AKAP13: variants seen among roughly 807,000 people sequenced by gnomAD.
The protein encoded by AKAP13 is A-kinase anchor protein 13.
Under a neutral mutation model 264.5 loss-of-function variants are expected in AKAP13, and 80 were observed. The ratio of observed to expected loss-of-function variants is 0.30; its 90% CI spans 0.25 to 0.36. The LOEUF is 0.36. Among genes scored for constraint, AKAP13 ranks in the 10% least tolerant of loss-of-function variants. AKAP13 has a pLI of 1.00. For synonymous variants in AKAP13, 1,380 were observed against 1,250.2 expected (o/e 1.10, Z -2.19); for missense variants, 3,712 against 3,435.2 (o/e 1.08, Z -2.01).
chr15:85,462,880 C>T lies in AKAP13; in HGVS notation c.-11-22830C>T, dbSNP rs1020462622. Among the ~76,000 whole-genome samples the T allele has an allele frequency of 6.0e-5, 9 of 150,360 alleles. No homozygotes were observed. In the South Asian group the frequency reaches 8.4e-4, roughly 14 times the overall value. ...TCTACTAAAAATACAAAAAATTAGC[C>T]GGGCGTAGTGGCGGGCACCTGTAGT... On this transcript the variant is annotated intron_variant, in intron 1 of 36. Transcript: ENST00000394518.
intron 1 of AKAP13, among the ~76,000 whole-genome samples, chr15:85,445,653 C>G (rs1181481380): frequency 6.6e-6 from 1 of 151,962 alleles, no homozygotes; most frequent in Non-Finnish European, 1.5e-5. Context: ...TACTTACAAA[C>G]TTGGAGAGAA....
chr15:85,542,521 T>TG (rs2077607431), intron 4 of AKAP13, among the ~76,000 whole-genome samples: 1 of 152,192 alleles, frequency 6.6e-6, no homozygotes, highest in African/African-American at 2.4e-5. Context: ...AGAAAACCAC[T>TG]GGGGTCCAAA....
chr15:85,588,637 C>A (rs1300366634), intron 8 of AKAP13, among the ~76,000 whole-genome samples: 8 of 152,176 alleles, frequency 5.3e-5, no homozygotes, highest in Admixed American at 3.3e-4. Context: ...AAAAGGTCTC[C>A]TCTCTCAGTC....
chr15:85,583,626 T>G (rs1366687288), intron 7 of AKAP13, among the ~76,000 whole-genome samples: 2 of 152,208 alleles, frequency 1.3e-5, no homozygotes, highest in Non-Finnish European at 2.9e-5. Context: ...TTCATTTCGG[T>G]GCTGCGTCCT....
intron 18 of AKAP13, among the ~76,000 whole-genome samples, chr15:85,709,297 T>A (rs1209665927): frequency 6.6e-6 from 1 of 152,198 alleles, no homozygotes; most frequent in Non-Finnish European, 1.5e-5. Flanking sequence ...TATTATTATA[T>A]AGTTTTTTAT....
intron 1 of AKAP13, among the ~76,000 whole-genome samples, chr15:85,471,353 G>A (rs1011901239): frequency 2.0e-5 from 3 of 152,012 alleles, no homozygotes; most frequent in Non-Finnish European, 4.4e-5. Flanking sequence ...AAATTAGCCG[G>A]GTGTGGTGGC....
At chr15:85,391,505 G>A (rs74922248) in intron 1 of AKAP13, among the ~76,000 whole-genome samples, 2 of 143,194 alleles carry the variant, frequency 1.4e-5, no homozygotes, top group African/African-American at 5.2e-5. Context: ...TTTTTTTTAA[G>A]ACAGGGTCTC....
chr15:85,432,867 G>A (rs935102246), intron 1 of AKAP13, among the ~76,000 whole-genome samples: 1 of 151,882 alleles, frequency 6.6e-6, no homozygotes, highest in Non-Finnish European at 1.5e-5. Context: ...TTGAAAGGTG[G>A]TGGTGGTGGG....
chr15:85,393,527 G>C lies in AKAP13; in HGVS notation c.-12+12729G>C, dbSNP rs184290399. ...ATAGTGTGTATGTCCAGTCTAGAGA[G>C]GTTTTTTGAGGTCATTTTCTATAAG... On this transcript the variant is annotated intron_variant, in intron 1 of 36. Coordinates refer to ENST00000394518, the MANE Select transcript of AKAP13 (RefSeq NM_007200.5). Among the ~76,000 whole-genome samples the C allele has an allele frequency of 2.2e-3, 329 of 152,276 alleles. 2 individuals are homozygous for C. The highest frequency in any genetic ancestry group is 7.6e-3 in the African/African-American group (315 of 41,552).
At position 85,741,370 on chromosome 15, in the gene AKAP13, G is replaced by C; in HGVS notation, c.7933G>C (p.Gly2645Arg). Residue 2645 changes from glycine to arginine, a missense_variant, in exon 35 of 37, where the codon GGC (glycine) becomes CGC (arginine). By Grantham distance (125) the Gly-to-Arg change is moderately radical (BLOSUM62 -2). Coordinates refer to ENST00000394518, the MANE Select transcript of AKAP13 (RefSeq NM_007200.5). ...KEREELQQKKGTYQYDLERLR... is the reference protein window; with the variant it reads ...KEREELQQKKRTYQYDLERLR... ...GCGGGAGGAGCTCCAGCAGAAGAAG[G>C]GCACATACCAGTATGACCTGGAGCG... The C allele has an allele frequency of 1.2e-6, 2 of 1,614,042 alleles. No individual in the cohort carries two copies. The highest frequency in any genetic ancestry group is 1.7e-6 in the Non-Finnish European group (2 of 1,180,032).
intron 17 of AKAP13, among the ~76,000 whole-genome samples, chr15:85,697,988 T>C (rs1295462466): frequency 6.6e-6 from 1 of 152,212 alleles, no homozygotes; most frequent in Non-Finnish European, 1.5e-5. Context: ...TCAACAAATA[T>C]TTATTGAATA....
At chr15:85,526,920 G>GA (rs942263259) in intron 3 of AKAP13, among the ~76,000 whole-genome samples, 21 of 150,686 alleles carry the variant, frequency 1.4e-4, no homozygotes, top group Non-Finnish European at 2.7e-4. Context: ...AGTTGAAGAG[G>GA]AAAAAAATCT....
intron 31 of AKAP13, 108 bp from the exon 32 acceptor site, chr15:85,735,452 C>T: frequency 8.7e-7 from 1 of 1,145,394 alleles, no homozygotes; most frequent in African/African-American, 1.6e-5. Flanking sequence ...TTGGGGGCAT[C>T]AGTAGGTTTC....
At chr15:85,689,612 T>G (rs1449414021) in intron 16 of AKAP13, among the ~76,000 whole-genome samples, 2 of 152,224 alleles carry the variant, frequency 1.3e-5, no homozygotes, top group Non-Finnish European at 2.9e-5. Context: ...ACCAGGCAAC[T>G]TCACTGAAAA....
intron 14 of AKAP13, among the ~76,000 whole-genome samples, chr15:85,681,864 A>G (rs534037638): frequency 1.3e-5 from 2 of 152,284 alleles, no homozygotes; most frequent in Admixed American, 6.5e-5. Context: ...GGAATTAAAC[A>G]TGCTTCATAT....
chr15:85,744,455 C>T, intron 36 of AKAP13, 173 bp from the exon 37 acceptor site: 1 of 688,902 alleles, frequency 1.5e-6, no homozygotes, highest in Non-Finnish European at 2.6e-6. Flanking sequence ...AAGGATATCA[C>T]TTAAGAACCT....
At chr15:85,418,032 G>A (rs1430668759) in intron 1 of AKAP13, among the ~76,000 whole-genome samples, 1 of 149,286 alleles carries the variant, frequency 6.7e-6, no homozygotes, top group African/African-American at 2.5e-5. Context: ...CATTCTTTTT[G>A]TACCATCTTC....
At chr15:85,508,538 A>G (rs748512950) in intron 2 of AKAP13, among the ~76,000 whole-genome samples, 2 of 151,732 alleles carry the variant, frequency 1.3e-5, no homozygotes, top group African/African-American at 2.4e-5. Flanking sequence ...TGAGTCCTCT[A>G]TCGTGTTTCA....
intron 13 of AKAP13, among the ~76,000 whole-genome samples, chr15:85,666,642 C>T (rs2083619179): frequency 6.6e-6 from 1 of 152,172 alleles, no homozygotes; most frequent in African/African-American, 2.4e-5. Context: ...TCAACTTCCC[C>T]AGTTCAAGTG....
Sources: allele counts gnomAD v4.1 joint callset (sites outside exome capture counted in the v4.1 genomes callset), GRCh38; gene constraint gnomAD v4.1.1; transcripts MANE v1.5; gene names NCBI Gene and HGNC (gene_info 2026-07-23, HGNC 2026-07-21).